PDXDC1: variants seen among roughly 807,000 people sequenced by gnomAD.
The protein encoded by PDXDC1 is pyridoxal-dependent decarboxylase domain-containing protein 1.
In PDXDC1, 42 loss-of-function variants were observed where a neutral mutation model predicts 100.1. The observed-to-expected ratio is 0.42, with a 90% CI of 0.33 to 0.54. The LOEUF (loss-of-function observed/expected upper bound fraction) is 0.54, where lower values mean the gene tolerates loss of function less well. Among genes scored for constraint, PDXDC1 ranks in the 20% least tolerant of loss-of-function variants. PDXDC1 has a pLI of 0.10. For synonymous variants in PDXDC1, 260 were observed against 371.7 expected (o/e 0.70, Z 3.46); for missense variants, 636 against 979.2 (o/e 0.65, Z 4.68).
intron 13 of PDXDC1, among the ~76,000 whole-genome samples, chr16:15,023,420 T>A (rs1232121651): frequency 2.9e-4 from 44 of 152,274 alleles, no homozygotes; most frequent in Non-Finnish European, 1.0e-4. Flanking sequence ...TTCTGCAAGG[T>A]ATGCTTAAGT....
the PDXDC1 span, among the ~76,000 whole-genome samples, chr16:15,147,080 G>C: frequency 4.8e-5 from 7 of 145,570 alleles, no homozygotes; most frequent in Non-Finnish European, 7.5e-5. Context: ...ATGAGCCAGG[G>C]AGGGAGAGGT....
At chr16:15,040,041 A>T, downstream of PDXDC1, 1 of 1,610,370 alleles carries the variant, frequency 6.2e-7, no homozygotes, top group Non-Finnish European at 8.5e-7. Flanking sequence ...ATGCTCTGTA[A>T]ATCTCTGCAG....
chr16:15,143,937 C>A (rs983826133), downstream of PDXDC1, among the ~76,000 whole-genome samples: 4 of 152,194 alleles, frequency 2.6e-5, no homozygotes, highest in African/African-American at 9.6e-5. Context: ...AGGCCCGGCA[C>A]CCCTGCCCGC....
intron 16 of PDXDC1, among the ~76,000 whole-genome samples, chr16:15,071,825 AG>A (rs1297827251): frequency 6.6e-6 from 1 of 152,138 alleles, no homozygotes; most frequent in East Asian, 1.9e-4. Flanking sequence ...CAAATTCAAT[AG>A]GTTTGTGACA....
rs774021025 is a variant in PDXDC1 at position 15,033,330 on chromosome 16, C to G, written c.1743C>G (p.Asp581Glu). The change falls in exon 19 of 23, where the codon GAC becomes GAG. Residue 581 changes from aspartate (D) to glutamate (E), a missense_variant. Asp to Glu is a conservative substitution (Grantham distance 45). Coordinates refer to ENST00000396410, the MANE Select transcript of PDXDC1 (RefSeq NM_015027.4). ...KSCLYVGMAS[D>E]NVDAAELVET... ...GCCTTTATGTCGGCATGGCGAGCGA[C>G]AACGTCGATGCTGCTGAGCTCGTGG... is the stretch of plus-strand genomic sequence containing the variant. 4 of 1,614,184 alleles carry G rather than the reference C, an allele frequency of 2.5e-6. No individual in the cohort carries two copies. The highest frequency in any genetic ancestry group is 3.4e-6 in the Non-Finnish European group (4 of 1,180,016).
At chr16:14,999,770 A>G (rs954668320) in intron 3 of PDXDC1, among the ~76,000 whole-genome samples, 1 of 152,284 alleles carries the variant, frequency 6.6e-6, no homozygotes, top group Admixed American at 6.5e-5. Context: ...AAATAGCAAA[A>G]AAGTAAGTAG....
intron 1 of PDXDC1, among the ~76,000 whole-genome samples, chr16:14,986,819 T>C (rs1470090098): frequency 6.6e-6 from 1 of 152,292 alleles, no homozygotes; most frequent in Non-Finnish European, 1.5e-5. Context: ...CGTTCTTGGC[T>C]AACTGCAAGC....
chr16:15,145,665 G>A, the PDXDC1 span, among the ~76,000 whole-genome samples: 2 of 152,272 alleles, frequency 1.3e-5, no homozygotes, highest in Non-Finnish European at 2.9e-5. Context: ...GGGCACCCCG[G>A]CCCCTAGGCG....
intron 16 of PDXDC1, chr16:15,127,487 A>T (rs781544598): frequency 5.1e-6 from 8 of 1,558,878 alleles, no homozygotes. Context: ...CGGGACATCC[A>T]GAAGAGAAAG....
At chr16:15,090,869 GTTTGT>G (rs1170704601) in intron 16 of PDXDC1, among the ~76,000 whole-genome samples, 5 of 126,132 alleles carry the variant, frequency 4.0e-5, no homozygotes, top group Non-Finnish European at 5.3e-5. Flanking sequence ...TGAATCAGTG[GTTTGT>G]TTTTTTTTTT....
At chr16:15,048,911 A>G (rs4985123) in intron 16 of PDXDC1, among the ~76,000 whole-genome samples, 40,862 of 138,538 alleles carry the variant, frequency 0.29, 6,060 homozygotes, top group Admixed American at 0.44. Context: ...GGCACACACC[A>G]CCACACCTGG....
chr16:15,032,922 C>T lies in PDXDC1; in HGVS notation c.1633C>T (p.His545Tyr). ...ATCAGATCCCGAAGGGGAAAACATC[C>T]ATGCTGGACTCCTGAAGAAGTTAAA... ...LKSDPEGENI[H>Y]AGLLKKLNEL... Residue 545 changes from histidine to tyrosine, a missense_variant, in exon 18 of 23, where the codon CAT becomes TAT. This residue lies in a region of PDXDC1 where 452 missense variants were observed against 402.9 expected (regional missense o/e 1.12). Coordinates refer to ENST00000396410, the MANE Select transcript of PDXDC1 (RefSeq NM_015027.4). The T allele has an allele frequency of 6.8e-6, 11 of 1,612,424 alleles. No individual in the cohort carries two copies. The highest frequency in any genetic ancestry group is 9.3e-6 in the Non-Finnish European group (11 of 1,178,422).
At chr16:14,988,235 C>G (rs1969873663) in intron 1 of PDXDC1, 2 of 1,613,448 alleles carry the variant, frequency 1.2e-6, no homozygotes, top group Admixed American at 1.7e-5. Context: ...CAAATGGTGG[C>G]TGAAAGCAGG....
chr16:15,146,734 G>A, the PDXDC1 span, among the ~76,000 whole-genome samples: 1 of 152,090 alleles, frequency 6.6e-6, no homozygotes, highest in African/African-American at 2.4e-5. Context: ...TCTGCTCTGT[G>A]GCAGGGCAGG....
chr16:15,031,134 TTCC>T (rs1201811198), intron 16 of PDXDC1, among the ~76,000 whole-genome samples: 4 of 144,122 alleles, frequency 2.8e-5, no homozygotes, highest in African/African-American at 1.0e-4. Flanking sequence ...TTTTTTTTTT[TTCC>T]ATAGAGACGT....
intron 16 of PDXDC1, chr16:15,128,182 C>T (rs771916985): frequency 1.9e-5 from 30 of 1,610,120 alleles, no homozygotes; most frequent in East Asian, 6.7e-5. Context: ...CGCCCCAACG[C>T]GGGGGCAGAG....
At position 15,131,715 on chromosome 16, in the gene PDXDC1, C is replaced by T; in HGVS notation, c.1400-7164C>T. On this transcript the variant is annotated intron_variant, in intron 16 of 16. Transcript: ENST00000535621. The stretch of plus-strand genomic sequence containing the variant: ...CCAGGTGGATGAGGTCTCCTGCAGA[C>T]AGACGTGAGGTCAGTGCAGAGACAG... 3 of 1,494,798 alleles carry T rather than the reference C, an allele frequency of 2.0e-6. No homozygotes were observed. In the South Asian group the frequency reaches 3.5e-5, roughly 18 times the overall value. 92.6% of individuals were successfully genotyped at this position (1,494,798 alleles called of 1,614,324 possible).
intron 11 of PDXDC1, among the ~76,000 whole-genome samples, chr16:15,018,004 T>C (rs1263011221): frequency 3.3e-5 from 5 of 152,218 alleles, no homozygotes; most frequent in African/African-American, 1.2e-4. Flanking sequence ...AAGTTGGTCA[T>C]GTTGAACTCG....
At position 15,085,009 on chromosome 16, in the gene PDXDC1, C is replaced by A. The variant is rs182136177; in HGVS notation, c.1400-53870C>A. Among the ~76,000 whole-genome samples the A allele has an allele frequency of 1.6e-3, 245 of 151,774 alleles. 1 individual carries two copies. The highest frequency in any genetic ancestry group is 5.5e-3 in the African/African-American group (228 of 41,384). ...TGAACCTGGGAGGTGAAGGCTGCAG[C>A]GAACCGAGATCACACCACTATACTC... On this transcript the variant is annotated intron_variant, in intron 16 of 16. Coordinates refer to the PDXDC1 transcript ENST00000535621.
Sources: allele counts gnomAD v4.1 joint callset (sites outside exome capture counted in the v4.1 genomes callset), GRCh38; gene constraint gnomAD v4.1.1; regional missense constraint gnomAD v4.1.1; transcripts MANE v1.5; gene names NCBI Gene and HGNC (gene_info 2026-07-23, HGNC 2026-07-21).